Variants in FSTL4 observed in about 807,000 individuals in gnomAD.
FSTL4 encodes the protein follistatin like 4.
Under a neutral mutation model 78.2 loss-of-function variants are expected in FSTL4, and 28 were observed. That is an observed-to-expected ratio of 0.36 (90% CI 0.27 to 0.49). FSTL4 has a LOEUF of 0.49. Ranked by LOEUF, FSTL4 falls within the 20% of genes least tolerant of loss-of-function variation. The pLI is 0.98. For missense variants in FSTL4, 922 were observed against 1,084.9 expected, an observed-to-expected ratio of 0.85 and a Z score of 2.11; for synonymous variants, 422 against 440.5, an observed-to-expected ratio of 0.96 and a Z score of 0.53.
At chr5:133,722,608 G>C in the FSTL4 span, among the ~76,000 whole-genome samples, 1 of 152,116 alleles carries the variant, frequency 6.6e-6, no homozygotes, top group East Asian at 1.9e-4. Context: ...TCATTTATTT[G>C]GGGTCAGTTA....
chr5:133,640,865 C>T, the FSTL4 span, among the ~76,000 whole-genome samples: 3 of 152,266 alleles, frequency 2.0e-5, no homozygotes, highest in Admixed American at 6.5e-5. Context: ...GGAGCTGTCA[C>T]CAGAGCTGCC....
At chr5:133,278,365 G>A (rs1752935507) in intron 6 of FSTL4, among the ~76,000 whole-genome samples, 1 of 152,192 alleles carries the variant, frequency 6.6e-6, no homozygotes, top group Admixed American at 6.5e-5. Context: ...TGCAGTCTTG[G>A]CTTGTGTTCC....
chr5:133,216,071 A>G (rs1750895984), intron 13 of FSTL4, among the ~76,000 whole-genome samples: 1 of 152,190 alleles, frequency 6.6e-6, no homozygotes, highest in South Asian at 2.1e-4. Context: ...TATTTAGCCT[A>G]CCACACATTG....
chr5:133,375,106 G>A (rs911350197), intron 4 of FSTL4, among the ~76,000 whole-genome samples: 6 of 151,382 alleles, frequency 4.0e-5, no homozygotes, highest in Non-Finnish European at 8.8e-5. Context: ...AACCTGGTTG[G>A]CAGTCTCAAC....
chr5:133,207,158 A>G (rs1448407936), intron 14 of FSTL4, among the ~76,000 whole-genome samples: 2 of 151,958 alleles, frequency 1.3e-5, no homozygotes, highest in Non-Finnish European at 2.9e-5. Flanking sequence ...TTTTTATTAA[A>G]CCAAACTTCT....
the FSTL4 span, among the ~76,000 whole-genome samples, chr5:133,761,109 C>T: frequency 6.6e-6 from 1 of 152,206 alleles, no homozygotes; most frequent in East Asian, 1.9e-4. Flanking sequence ...GAAATATGAG[C>T]TTGTGAAGTT....
chr5:133,338,652 A>G lies in FSTL4; in HGVS notation c.410-22000T>C, dbSNP rs961119292. 6.6e-6 allele frequency among the ~76,000 whole-genome samples: 1 copy of G among 151,788 alleles called. No homozygotes were observed. The highest frequency in any genetic ancestry group is 1.5e-5 in the Non-Finnish European group (1 of 67,952). ...TGTCCCACCCCACTGTTGGCCTGAC[A>G]TTTCCCCACATTGTCCCACAGGCCC... On this transcript the variant is annotated intron_variant, in intron 4 of 15. Coordinates refer to ENST00000265342, the MANE Select transcript of FSTL4 (RefSeq NM_015082.2). The surrounding 1 kb of genome is among the most constrained non-coding windows in gnomAD (Gnocchi z 4.0).
chr5:133,817,661 C>T, the FSTL4 span, among the ~76,000 whole-genome samples: 1 of 152,192 alleles, frequency 6.6e-6, no homozygotes, highest in East Asian at 1.9e-4. Flanking sequence ...AGAAGGAAGG[C>T]TCTTCTCTCT....
chr5:133,763,915 G>A, the FSTL4 span, among the ~76,000 whole-genome samples: 1 of 152,244 alleles, frequency 6.6e-6, no homozygotes, highest in South Asian at 2.1e-4. Context: ...AGACGGGCCC[G>A]TGCTCAATTC....
intron 6 of FSTL4, among the ~76,000 whole-genome samples, chr5:133,273,440 C>A (rs562465785): frequency 6.6e-6 from 1 of 152,220 alleles, no homozygotes; most frequent in South Asian, 2.1e-4. Flanking sequence ...CTAGAGTCCT[C>A]CAGCCTGGGG....
At chr5:133,516,812 G>A (rs183887670) in intron 3 of FSTL4, among the ~76,000 whole-genome samples, 1 of 152,170 alleles carries the variant, frequency 6.6e-6, no homozygotes, top group Admixed American at 6.5e-5. Flanking sequence ...TAAAAATCTA[G>A]GAAGATACAT....
intron 3 of FSTL4, among the ~76,000 whole-genome samples, chr5:133,533,262 G>A (rs930685492): frequency 2.6e-5 from 4 of 152,116 alleles, no homozygotes; most frequent in African/African-American, 7.2e-5. Context: ...TTGCTTGTTT[G>A]AGACAGGGCC....
At chr5:133,227,932 A>G (rs1170380270) in intron 8 of FSTL4, among the ~76,000 whole-genome samples, 1 of 152,220 alleles carries the variant, frequency 6.6e-6, no homozygotes, top group Non-Finnish European at 1.5e-5. Flanking sequence ...GGATCATTTA[A>G]AAGGAAACTT....
chr5:133,545,599 T>C (rs1759559192), intron 3 of FSTL4, among the ~76,000 whole-genome samples: 1 of 152,194 alleles, frequency 6.6e-6, no homozygotes, highest in Non-Finnish European at 1.5e-5. Flanking sequence ...TATTTAGTTA[T>C]AGTAACAGAA....
At chr5:133,396,958 G>T (rs1191718643) in intron 4 of FSTL4, among the ~76,000 whole-genome samples, 4 of 152,184 alleles carry the variant, frequency 2.6e-5, no homozygotes, top group Non-Finnish European at 5.9e-5. Flanking sequence ...CGCAGGCTGA[G>T]GAAGCTGAAG....
intron 12 of FSTL4, among the ~76,000 whole-genome samples, chr5:133,219,802 A>G (rs1001696146): frequency 6.6e-6 from 1 of 152,240 alleles, no homozygotes; most frequent in Non-Finnish European, 1.5e-5. Context: ...CTACAAATAT[A>G]TGAGAAATTT....
intron 3 of FSTL4, among the ~76,000 whole-genome samples, chr5:133,474,193 G>A (rs1001494127): frequency 6.6e-6 from 1 of 152,140 alleles, no homozygotes; most frequent in Non-Finnish European, 1.5e-5. Context: ...CATACAGGTG[G>A]TGCCTAATAA....
the FSTL4 span, among the ~76,000 whole-genome samples, chr5:133,787,958 A>T: frequency 6.6e-6 from 1 of 152,218 alleles, no homozygotes; most frequent in Non-Finnish European, 1.5e-5. Flanking sequence ...CCTGGAACTT[A>T]GTTGGTGCTC....
At chr5:133,254,396 T>C (rs574277991) in intron 6 of FSTL4, among the ~76,000 whole-genome samples, 1 of 152,370 alleles carries the variant, frequency 6.6e-6, no homozygotes, top group Admixed American at 6.5e-5. Context: ...AAGCAAACAC[T>C]GAGGGCAAGA....
Sources: gnomAD v4.1 joint callset for allele counts (sites outside exome capture counted in the v4.1 genomes callset) on GRCh38, gnomAD v4.1.1 for gene constraint, Gnocchi (gnomAD v3.1) non-coding constraint, MANE v1.5 for transcripts, NCBI Gene and HGNC (gene_info 2026-07-23, HGNC 2026-07-21) for gene names.